The following SMARCD3 variants were observed in gnomAD, a reference collection of about 807,000 sequenced individuals.
SMARCD3 encodes the protein SWI/SNF-related matrix-associated actin-dependent regulator of chromatin subfamily D member 3.
SMARCD3 carries 14 observed loss-of-function variants against 58.0 expected under a neutral mutation model. That is an observed-to-expected ratio of 0.24 (90% confidence interval 0.16 to 0.38). SMARCD3 has a LOEUF of 0.38. Ranked by LOEUF, SMARCD3 falls within the 10% of genes least tolerant of loss-of-function variation. SMARCD3 has a pLI of 1.00. For missense variants in SMARCD3, 408 were observed against 636.9 expected (o/e 0.64, Z 3.87); for synonymous variants, 253 against 253.8 (o/e 1.00, Z 0.03).
intron 8 of SMARCD3, chr7:151,240,987 CT>C (rs1802959382): frequency 4.2e-6 from 1 of 238,184 alleles, no homozygotes; most frequent in South Asian, 5.8e-5. Flanking sequence ...TCAGGTTTAT[CT>C]GCTGTATTTA....
At chr7:151,267,161 A>G (rs954655174) in intron 2 of SMARCD3, among the ~76,000 whole-genome samples, 1 of 152,240 alleles carries the variant, frequency 6.6e-6, no homozygotes, top group Non-Finnish European at 1.5e-5. Flanking sequence ...AGATATAGGG[A>G]AACACTTTGT....
At position 151,245,368 on chromosome 7, in the gene SMARCD3, C is replaced by T; in HGVS notation, c.290+92G>A. ...TCCCTGCTAATCATTCTTCCTCGCCCCTTCCAATCCCCGCTACTCGCTTAC... is the reference window on the plus strand; with the variant it reads ...TCCCTGCTAATCATTCTTCCTCGCCTCTTCCAATCCCCGCTACTCGCTTAC... On this transcript the variant is annotated intron_variant, in intron 2 of 12. Coordinates refer to ENST00000262188, the MANE Select transcript of SMARCD3 (RefSeq NM_001003801.2). This position sits in a 1 kb window ranked among gnomAD's most constrained non-coding sequence, Gnocchi z 6.2. The T allele has an allele frequency of 2.1e-6, 1 of 472,412 alleles. No homozygotes were observed. Among genetic ancestry groups the T allele is most frequent in the Non-Finnish European group, 3.3e-6 (1 of 299,948 alleles). The allele number at this position is 472,412 out of a possible 1,614,324, so 29.3% of individuals were successfully genotyped here.
At chr7:151,267,955 C>T (rs183661919) in intron 2 of SMARCD3, among the ~76,000 whole-genome samples, 200 of 152,238 alleles carry the variant, frequency 1.3e-3, no homozygotes, top group African/African-American at 4.3e-3. Flanking sequence ...CCAGCCTAGG[C>T]GACAGAGCTG....
At chr7:151,272,284 G>C (rs1214489185) in intron 2 of SMARCD3, among the ~76,000 whole-genome samples, 1 of 152,090 alleles carries the variant, frequency 6.6e-6, no homozygotes, top group Non-Finnish European at 1.5e-5. Context: ...CTGGCATCGG[G>C]GTCTCTGGGC....
chr7:151,252,859 C>A (rs535013221), upstream of SMARCD3, among the ~76,000 whole-genome samples: 1 of 152,226 alleles, frequency 6.6e-6, no homozygotes, highest in African/African-American at 2.4e-5. Context: ...CCGACACTCT[C>A]TGCTGCTATC....
At chr7:151,259,957 G>T (rs1366240915) in intron 2 of SMARCD3, among the ~76,000 whole-genome samples, 1 of 152,090 alleles carries the variant, frequency 6.6e-6, no homozygotes, top group Non-Finnish European at 1.5e-5. Context: ...ATTTGTATAG[G>T]ACTTTACCAT....
At chr7:151,249,231 C>T (rs1345880016), upstream of SMARCD3, 1 of 151,906 alleles carries the variant, frequency 6.6e-6, no homozygotes, top group South Asian at 2.1e-4. The surrounding 1 kb of genome is among the most constrained non-coding windows in gnomAD (Gnocchi z 4.8). Context: ...TGCCCGGGGC[C>T]GGCGGCGGTG....
chr7:151,257,885 T>G (rs1482556806), intron 2 of SMARCD3, among the ~76,000 whole-genome samples: 1 of 152,046 alleles, frequency 6.6e-6, no homozygotes, highest in Non-Finnish European at 1.5e-5. Flanking sequence ...GCTCCCAGTT[T>G]CCTCCAGCCC....
chr7:151,242,823 C>T lies in SMARCD3; in HGVS notation c.354G>A (p.Glu118=), dbSNP rs147093019. Residue 118 remains glutamate (E), a synonymous_variant, in exon 4 of 13, where the codon GAG becomes GAA. Transcript: ENST00000262188. This position sits in a 1 kb window ranked among gnomAD's most constrained non-coding sequence, Gnocchi z 4.7. ...CCAAGAGGTCCATGTAAGCCTGGGA[C>T]TCGGGGACCAGCTCCCGAATCTGGA... The part of the protein sequence containing the change: ...LPQRIRELVP[E]SQAYMDLLAF... 290 of 1,614,140 alleles carry T rather than the reference C, an allele frequency of 1.8e-4. No individual in the cohort carries two copies. Among genetic ancestry groups the T allele is most frequent in the Middle Eastern group, 1.2e-3 (7 of 6,062 alleles).
Position 151,239,995 on chromosome 7 carries a change from T to C in SMARCD3, c.1173+117A>G. On this transcript the variant is annotated intron_variant, in intron 10 of 12. Coordinates refer to ENST00000262188, the MANE Select transcript of SMARCD3 (RefSeq NM_001003801.2). The surrounding 1 kb of genome is among the most constrained non-coding windows in gnomAD (Gnocchi z 7.0). ...TGGCCCAGAGTCTGGTCTCTTTTTT[T>C]TTTTTTTTTTTAATTTAACCCAGAC... is the stretch of plus-strand genomic sequence containing the variant. 4 of 1,150,436 alleles carry C rather than the reference T, an allele frequency of 3.5e-6. No homozygotes were observed. The highest frequency in any genetic ancestry group is 1.5e-5 in the South Asian group (1 of 65,750). The allele number at this position is 1,150,436 out of a possible 1,614,324, so 71.3% of individuals were successfully genotyped here.
At chr7:151,262,905 C>T (rs1020630027) in intron 2 of SMARCD3, among the ~76,000 whole-genome samples, 17 of 133,804 alleles carry the variant, frequency 1.3e-4, no homozygotes, top group Non-Finnish European at 1.6e-5. Context: ...TGGCGAGAGT[C>T]ATGAATAGTG....
chr7:151,268,993 C>T (rs1795077381), intron 2 of SMARCD3, among the ~76,000 whole-genome samples: 1 of 152,210 alleles, frequency 6.6e-6, no homozygotes, highest in Non-Finnish European at 1.5e-5. Context: ...TTCACTCTTT[C>T]ACTTCCTGCA....
At position 151,239,799 on chromosome 7, in the gene SMARCD3, G is replaced by A. The variant is rs181757368; in HGVS notation, c.1174-53C>T. On this transcript the variant is annotated intron_variant, in intron 10 of 12. Coordinates refer to ENST00000262188, the MANE Select transcript of SMARCD3 (RefSeq NM_001003801.2). This position sits in a 1 kb window ranked among gnomAD's most constrained non-coding sequence, Gnocchi z 7.0. ...ACCTGGCTTTGGTGATGTGGGAGAC[G>A]AGGGGAAAGGAAGCGGGTGGGAAGG... is the stretch of plus-strand genomic sequence containing the variant. 369 of 1,590,630 alleles carry A rather than the reference G, an allele frequency of 2.3e-4. No homozygotes were observed. The highest frequency in any genetic ancestry group is 2.8e-4 in the Non-Finnish European group (320 of 1,160,850).
chr7:151,241,798 C>G lies in SMARCD3; in HGVS notation c.777+79G>C. The G allele has an allele frequency of 7.0e-7, 1 of 1,425,908 alleles. No individual in the cohort carries two copies. 88.3% of individuals were successfully genotyped at this position (1,425,908 alleles called of 1,614,324 possible). A position where few individuals can be genotyped will look rare whatever the true frequency, so the allele number is the denominator to read the frequency against. ...GGTTTGGGAGGGGAAGGAGGTCTCTCAAGATGCACCACTTTGGGACCTAGC... is the reference window on the plus strand; with the variant it reads ...GGTTTGGGAGGGGAAGGAGGTCTCTGAAGATGCACCACTTTGGGACCTAGC... On this transcript the variant is annotated intron_variant, in intron 7 of 12. Transcript: ENST00000262188. This position sits in a 1 kb window ranked among gnomAD's most constrained non-coding sequence, Gnocchi z 5.3.
Position 151,240,453 on chromosome 7 carries a change from CA to C in SMARCD3, c.1008del (p.Asp337ThrfsTer32). ...ATGACATGGTTGATGACAATTGGGTCAGGGGGCAATAGCAGGGCTGTGAGGC... is the reference window on the plus strand; with the variant it reads ...ATGACATGGTTGATGACAATTGGGTCGGGGGCAATAGCAGGGCTGTGAGGC... The part of the protein sequence containing the change: ...PQRLTALLLP[P>X]DPIVINHVIS... On this transcript the variant is annotated frameshift_variant, in exon 9 of 13. Transcript: ENST00000262188. LOFTEE classifies it high-confidence loss of function. 6.2e-7 allele frequency: 1 copy of C among 1,613,866 alleles called. No homozygotes were observed. The highest frequency in any genetic ancestry group is 8.5e-7 in the Non-Finnish European group (1 of 1,179,948).
chr7:151,242,499 C>T lies in SMARCD3; in HGVS notation c.561G>A (p.Glu187=). ...GACGTACATCATCCAGGAGCTTCCC[C>T]TCCACCCGTAGCTCCCAGGAGGCAA... ...GSIASWELRV[E]GKLLDDPSKQ... is the part of the protein sequence containing the mutation. The change falls in exon 5 of 13, where the codon GAG becomes GAA. Residue 187 remains glutamate (E), a synonymous_variant. Transcript: ENST00000262188. This position sits in a 1 kb window ranked among gnomAD's most constrained non-coding sequence, Gnocchi z 4.7. 1.2e-6 allele frequency: 2 copies of T among 1,613,892 alleles called. No homozygotes were observed. Among genetic ancestry groups the T allele is most frequent in the Non-Finnish European group, 1.7e-6 (2 of 1,180,010 alleles).
rs763626229 is a variant in SMARCD3, at chr7:151,239,515, G to T, written c.1297-18C>A. ...GTCATCACCTGGGAGGGAGCGTGGGGTGAGCCCTGAGCCCTGAATCCCCTC... is the reference window on the plus strand; with the variant it reads ...GTCATCACCTGGGAGGGAGCGTGGGTTGAGCCCTGAGCCCTGAATCCCCTC... On this transcript the variant is annotated intron_variant, in intron 11 of 12. Coordinates refer to ENST00000262188, the MANE Select transcript of SMARCD3 (RefSeq NM_001003801.2). This position sits in a 1 kb window ranked among gnomAD's most constrained non-coding sequence, Gnocchi z 7.0. 1.2e-6 allele frequency: 2 copies of T among 1,611,492 alleles called. No homozygotes were observed. The highest frequency in any genetic ancestry group is 2.2e-5 in the South Asian group (2 of 91,034).
chr7:151,259,626 T>TTTTTTTTA (rs1803850533), intron 2 of SMARCD3, among the ~76,000 whole-genome samples: 2 of 144,420 alleles, frequency 1.4e-5, no homozygotes, highest in African/African-American at 5.3e-5. Flanking sequence ...TTTTTTTTTT[T>TTTTTTTTA]GAGACGGACT....
Position 151,243,582 on chromosome 7 carries a change from T to C in SMARCD3, c.333+77A>G, listed in dbSNP as rs1330313987. ...GAAAGTGACTGTGATGCTGAAGCTCTGCTTCTGAGGGGGGAGGGGAGGGCG... is the reference window on the plus strand; with the variant it reads ...GAAAGTGACTGTGATGCTGAAGCTCCGCTTCTGAGGGGGGAGGGGAGGGCG... On this transcript the variant is annotated intron_variant, in intron 3 of 12. Transcript: ENST00000262188. This position sits in a 1 kb window ranked among gnomAD's most constrained non-coding sequence, Gnocchi z 4.4. 1.3e-6 allele frequency: 1 copy of C among 797,928 alleles called. No homozygotes were observed. Among genetic ancestry groups the C allele is most frequent in the African/African-American group, 1.7e-5 (1 of 58,422 alleles). The allele number at this position is 797,928 out of a possible 1,614,324, so 49.4% of individuals were successfully genotyped here. A position where few individuals can be genotyped will look rare whatever the true frequency, so the allele number is the denominator to read the frequency against.
Sources: allele counts gnomAD v4.1 joint callset (sites outside exome capture counted in the v4.1 genomes callset), GRCh38; gene constraint gnomAD v4.1.1; non-coding constraint Gnocchi (gnomAD v3.1); transcripts MANE v1.5; gene names NCBI Gene and HGNC (gene_info 2026-07-23, HGNC 2026-07-21).